The following NRXN1 variants were observed in gnomAD, a reference collection of about 807,000 sequenced individuals.
The protein encoded by NRXN1 is neurexin-1.
A neutral mutation model predicts 150.9 loss-of-function variants in NRXN1; 39 were observed. That is an observed-to-expected ratio of 0.26 (90% CI 0.20 to 0.34). NRXN1 has a LOEUF of 0.34. Among genes scored for constraint, NRXN1 ranks in the 10% least tolerant of loss-of-function variants. The probability of loss-of-function intolerance (pLI) is 1.00; values close to 1 mark genes in which losing one functional copy is unlikely to be tolerated. For missense variants in NRXN1, 1,815 were observed against 1,949.9 expected, an observed-to-expected ratio of 0.93 and a Z score of 1.30; for synonymous variants, 924 against 757.0, an observed-to-expected ratio of 1.22 and a Z score of -3.62.
At chr2:50,873,374 C>A (rs932148823) in intron 5 of NRXN1, among the ~76,000 whole-genome samples, 1 of 151,778 alleles carries the variant, frequency 6.6e-6, no homozygotes, top group Non-Finnish European at 1.5e-5. Flanking sequence ...ATTGCTAATG[C>A]ACTGTATAGT....
intron 12 of NRXN1, among the ~76,000 whole-genome samples, chr2:50,519,068 C>A (rs1161309460): frequency 6.6e-6 from 1 of 151,802 alleles, no homozygotes; most frequent in Non-Finnish European, 1.5e-5. Context: ...AGAAATGTGA[C>A]AATTGATGAA....
intron 2 of NRXN1, among the ~76,000 whole-genome samples, chr2:50,983,795 T>G (rs1411553563): frequency 6.6e-6 from 1 of 152,084 alleles, no homozygotes; most frequent in Non-Finnish European, 1.5e-5. Flanking sequence ...AATTTCATAG[T>G]GACTTTCACC....
intron 5 of NRXN1, among the ~76,000 whole-genome samples, chr2:50,865,755 G>C (rs947999535): frequency 2.3e-5 from 3 of 132,390 alleles, no homozygotes; most frequent in African/African-American, 8.3e-5. Flanking sequence ...TTTTTTGGTG[G>C]TGGGGGGATG....
In NRXN1 at chr2:49,919,434, A is replaced by G. The variant is rs2103957491; in HGVS notation, c.*2510T>C. 6.6e-6 allele frequency: 1 copy of G among 152,234 alleles called. No homozygotes were observed. Among genetic ancestry groups the G allele is most frequent in the Admixed American group, 6.5e-5 (1 of 15,286 alleles). 9.4% of individuals were successfully genotyped at this position (152,234 alleles called of 1,614,324 possible). A position where few individuals can be genotyped will look rare whatever the true frequency, so the allele number is the denominator to read the frequency against. On this transcript the variant is annotated 3_prime_UTR_variant, in exon 23 of 23. Coordinates refer to ENST00000401669, the MANE Select transcript of NRXN1 (RefSeq NM_001330078.2). ...GGGGAGAAACATTGAAATCAATCCC[A>G]AACAACACATTTCATAGATATACTG...
chr2:51,001,002 T>A (rs1237389830), intron 2 of NRXN1, among the ~76,000 whole-genome samples: 1 of 151,882 alleles, frequency 6.6e-6, no homozygotes, highest in African/African-American at 2.4e-5. Flanking sequence ...GAGTTGAGAC[T>A]TGTAAGGATG....
At chr2:50,061,286 T>G (rs936593122) in intron 19 of NRXN1, among the ~76,000 whole-genome samples, 5 of 152,212 alleles carry the variant, frequency 3.3e-5, no homozygotes, top group African/African-American at 1.2e-4. Flanking sequence ...ATAAACCATT[T>G]GATTGGGAAA....
chr2:50,070,509 G>A (rs1244668584), intron 19 of NRXN1, among the ~76,000 whole-genome samples: 6 of 151,878 alleles, frequency 4.0e-5, no homozygotes, highest in Admixed American at 3.3e-4. Flanking sequence ...GGTGGCTCAC[G>A]CCTGTAATCC....
At chr2:50,320,234 T>A (rs2075912651) in intron 17 of NRXN1, among the ~76,000 whole-genome samples, 1 of 142,968 alleles carries the variant, frequency 7.0e-6, no homozygotes, top group South Asian at 2.2e-4. Flanking sequence ...TTTTATCAGA[T>A]AAATAATCAA....
intron 5 of NRXN1, among the ~76,000 whole-genome samples, chr2:50,891,124 T>C (rs1466560874): frequency 1.3e-5 from 2 of 152,132 alleles, no homozygotes; most frequent in East Asian, 3.9e-4. Flanking sequence ...AGTCTGTCAG[T>C]AACTATTGAT....
intron 2 of NRXN1, among the ~76,000 whole-genome samples, chr2:51,011,292 C>G (rs892553220): frequency 6.6e-6 from 1 of 151,946 alleles, no homozygotes; most frequent in Non-Finnish European, 1.5e-5. Context: ...GTTTATTGAA[C>G]TCCTACAGTG....
At chr2:50,502,417 T>G (rs923764606) in intron 13 of NRXN1, among the ~76,000 whole-genome samples, 1 of 151,572 alleles carries the variant, frequency 6.6e-6, no homozygotes, top group African/African-American at 2.4e-5. Context: ...CACTCTACAA[T>G]CTCTTGCACC....
intron 8 of NRXN1, among the ~76,000 whole-genome samples, chr2:50,601,838 T>C (rs193054342): frequency 1.3e-5 from 2 of 152,318 alleles, no homozygotes; most frequent in African/African-American, 4.8e-5. Context: ...TGCTCCTTCC[T>C]TGTTCTAAGG....
chr2:49,935,717 T>C (rs1308690819), intron 22 of NRXN1, among the ~76,000 whole-genome samples: 1 of 152,198 alleles, frequency 6.6e-6, no homozygotes, highest in African/African-American at 2.4e-5. Context: ...ACCTCTGATA[T>C]CATCTGAGCA....
chr2:50,644,845 A>ATT (rs1017824433), intron 5 of NRXN1, among the ~76,000 whole-genome samples: 32 of 148,636 alleles, frequency 2.2e-4, no homozygotes, highest in African/African-American at 7.6e-4. Flanking sequence ...GGATATTTAT[A>ATT]TTTATATATA....
At chr2:50,374,077 T>G (rs914441799) in intron 17 of NRXN1, among the ~76,000 whole-genome samples, 7 of 98,212 alleles carry the variant, frequency 7.1e-5, no homozygotes, top group Non-Finnish European at 1.1e-4. Context: ...GTGGGGAGGA[T>G]CACTTCATCT....
chr2:50,502,489 C>G (rs994666978), intron 13 of NRXN1, among the ~76,000 whole-genome samples: 3 of 152,030 alleles, frequency 2.0e-5, no homozygotes, highest in Admixed American at 6.6e-5. Context: ...CACAAACACA[C>G]ACACACACGA....
Position 50,129,725 on chromosome 2 carries a change from G to A in NRXN1, c.3547-38231C>T, listed in dbSNP as rs538416980. 3.3e-5 allele frequency among the ~76,000 whole-genome samples: 5 copies of A among 152,144 alleles called. 1 individual carries two copies. The South Asian group carries it at 1.0e-3, about 32-fold the overall frequency. On this transcript the variant is annotated intron_variant, in intron 18 of 22. Transcript: ENST00000401669. ...TAGATGCCCAGCAAAAAGAAAGGAG[G>A]GCCTATTTAGAGCCATGTTAGAATC...
chr2:50,425,523 G>T (rs916962512), intron 17 of NRXN1, among the ~76,000 whole-genome samples: 1 of 152,174 alleles, frequency 6.6e-6, no homozygotes, highest in Non-Finnish European at 1.5e-5. Flanking sequence ...TAGAGGCAGA[G>T]ATGGAAGAGG....
At chr2:50,304,614 G>A (rs1171799664) in intron 17 of NRXN1, among the ~76,000 whole-genome samples, 4 of 152,100 alleles carry the variant, frequency 2.6e-5, no homozygotes, top group African/African-American at 4.8e-5. Context: ...CCAGAGGAAA[G>A]CAGTTTTACA....
Sources: allele counts gnomAD v4.1 joint callset (sites outside exome capture counted in the v4.1 genomes callset), GRCh38; gene constraint gnomAD v4.1.1; transcripts MANE v1.5; gene names NCBI Gene and HGNC (gene_info 2026-07-23, HGNC 2026-07-21).